Variants in NPRL3 observed in about 807,000 individuals in gnomAD.
NPRL3 encodes the protein GATOR1 complex protein NPRL3.
In NPRL3, 23 loss-of-function variants were observed where a neutral mutation model predicts 57.2. The observed-to-expected ratio is 0.40, with a 90% CI of 0.29 to 0.57. The LOEUF (loss-of-function observed/expected upper bound fraction) is 0.57, where lower values mean the gene tolerates loss of function less well. NPRL3 is among the 20% of genes least tolerant of loss of function. NPRL3 has a pLI of 0.42. For missense variants in NPRL3, 691 were observed against 767.1 expected (o/e 0.90, Z 1.17); for synonymous variants, 333 against 321.1 (o/e 1.04, Z -0.39).
chr16:92,970 T>G, intron 10 of NPRL3: 1 of 618,966 alleles, frequency 1.6e-6, no homozygotes, highest in East Asian at 2.8e-5. Flanking sequence ...CAAGGTGGAT[T>G]AGAAGAGCCA....
chr16:117,283 A>G lies in NPRL3; in HGVS notation c.393+18T>C. On this transcript the variant is annotated intron_variant, in intron 5 of 13. Coordinates refer to ENST00000611875, the MANE Select transcript of NPRL3 (RefSeq NM_001077350.3). ...CTGGCCCCACTCCCTGATCTTAACC[A>G]TTTATATAAACACTCACCCTCAGTG... 6.4e-7 allele frequency: 1 copy of G among 1,572,444 alleles called. No homozygotes were observed. Among genetic ancestry groups the G allele is most frequent in the Non-Finnish European group, 8.7e-7 (1 of 1,144,760 alleles).
At chr16:131,341 T>C (rs1900781867) in intron 2 of NPRL3, among the ~76,000 whole-genome samples, 1 of 148,984 alleles carries the variant, frequency 6.7e-6, no homozygotes, top group African/African-American at 2.6e-5. Context: ...TAGCCGGGCG[T>C]GGTGGTGGGT....
chr16:135,979 C>T (rs1420461871), intron 2 of NPRL3, among the ~76,000 whole-genome samples: 1 of 152,128 alleles, frequency 6.6e-6, no homozygotes, highest in African/African-American at 2.4e-5. Flanking sequence ...CTTTCTATCT[C>T]AATTAAAAGG....
intron 2 of NPRL3, among the ~76,000 whole-genome samples, chr16:134,611 C>A (rs1900966470): frequency 6.6e-6 from 1 of 151,484 alleles, no homozygotes; most frequent in African/African-American, 2.4e-5. Flanking sequence ...TAAAGCACAG[C>A]CAGGATAACG....
chr16:94,488 C>T (rs1269434667), intron 9 of NPRL3, among the ~76,000 whole-genome samples: 1 of 152,214 alleles, frequency 6.6e-6, no homozygotes, highest in Non-Finnish European at 1.5e-5. Context: ...GTGGCTCATG[C>T]CTGTAGTCCC....
intron 7 of NPRL3, among the ~76,000 whole-genome samples, chr16:100,781 A>AT (rs1899256362): frequency 5.7e-4 from 1 of 1,752 alleles, no homozygotes; most frequent in Non-Finnish European, 1.1e-3. Flanking sequence ...CAGCCTGGCT[A>AT]ATAACACGGT....
chr16:117,275 T>C, intron 5 of NPRL3, 26 bp downstream of exon 5: 1 of 1,535,684 alleles, frequency 6.5e-7, no homozygotes, highest in Non-Finnish European at 9.0e-7. Context: ...CACTCCCTGA[T>C]CTTAACCATT....
chr16:89,958 G>A, intron 11 of NPRL3, 56 bp from the exon 12 acceptor site: 1 of 1,482,556 alleles, frequency 6.7e-7, no homozygotes, highest in East Asian at 2.6e-5. Flanking sequence ...TTCCTCCTGG[G>A]TGATCAGGGA....
chr16:133,472 C>T (rs1166801588), intron 2 of NPRL3, among the ~76,000 whole-genome samples: 4 of 152,038 alleles, frequency 2.6e-5, no homozygotes, highest in East Asian at 3.9e-4. Flanking sequence ...CCTCGTGATC[C>T]GCCCGCCTCG....
At chr16:97,917 G>A (rs989832839) in intron 9 of NPRL3, among the ~76,000 whole-genome samples, 5 of 152,158 alleles carry the variant, frequency 3.3e-5, no homozygotes, top group African/African-American at 1.2e-4. Flanking sequence ...CTCTGAGACA[G>A]AAGAACAAGT....
intron 7 of NPRL3, among the ~76,000 whole-genome samples, chr16:101,362 C>T (rs1899293632): frequency 6.6e-6 from 1 of 152,190 alleles, no homozygotes; most frequent in Non-Finnish European, 1.5e-5. Context: ...GCCCACAGCA[C>T]CTCAGTTGCA....
At chr16:100,578 C>T in intron 7 of NPRL3, 69 bp from the exon 8 acceptor site, 6 of 1,349,546 alleles carry the variant, frequency 4.4e-6, no homozygotes, top group Non-Finnish European at 5.8e-6. Flanking sequence ...CAGAAAACAC[C>T]CTGCTCAATG....
At position 130,598 on chromosome 16, in the gene NPRL3, C is replaced by A. The variant is rs372930922; in HGVS notation, c.119-7G>T. The A allele has an allele frequency of 2.6e-6, 4 of 1,553,004 alleles. No individual in the cohort carries two copies. The highest frequency in any genetic ancestry group is 1.2e-5 in the South Asian group (1 of 84,218). ...TATCTGCTACGCGGCTTACCTGAGT[C>A]GGGGCGAAAAGAGGGGAAGGGCTAA... On this transcript the variant is annotated splice_polypyrimidine_tract_variant and splice_region_variant and intron_variant, in intron 2 of 13. Coordinates refer to ENST00000611875, the MANE Select transcript of NPRL3 (RefSeq NM_001077350.3).
At chr16:126,780 A>G (rs143019421) in intron 3 of NPRL3, among the ~76,000 whole-genome samples, 7 of 152,376 alleles carry the variant, frequency 4.6e-5, no homozygotes, top group African/African-American at 1.4e-4. Context: ...TCTTAGAGAC[A>G]CTGGACAATA....
intron 11 of NPRL3, among the ~76,000 whole-genome samples, chr16:92,327 A>G (rs990038529): frequency 6.6e-6 from 1 of 152,150 alleles, no homozygotes. Context: ...CGGTTCTAAC[A>G]CTAAAAACTG....
intron 7 of NPRL3, among the ~76,000 whole-genome samples, chr16:108,204 C>T (rs779288899): frequency 6.6e-6 from 1 of 152,168 alleles, no homozygotes; most frequent in Non-Finnish European, 1.5e-5. Flanking sequence ...TGTTTAAGGA[C>T]TTATATCTCC....
intron 3 of NPRL3, among the ~76,000 whole-genome samples, chr16:124,348 C>T (rs1198074200): frequency 2.0e-5 from 3 of 146,934 alleles, no homozygotes; most frequent in Non-Finnish European, 3.0e-5. Context: ...CTTTTCTTTT[C>T]TTTTTTTTTT....
chr16:133,866 C>T (rs914355784), intron 2 of NPRL3, among the ~76,000 whole-genome samples: 1 of 152,116 alleles, frequency 6.6e-6, no homozygotes, highest in Non-Finnish European at 1.5e-5. Flanking sequence ...CTGTAGATAA[C>T]CAGCTTAATT....
rs1464725724 is a variant in NPRL3 at position 86,032 on chromosome 16, C to T, written c.*673G>A. On this transcript the variant is annotated 3_prime_UTR_variant, in exon 14 of 14. Coordinates refer to ENST00000611875, the MANE Select transcript of NPRL3 (RefSeq NM_001077350.3). ...TCCTGCACAGTGGGCCATGCCTCCA[C>T]CAGCAAGATGTGCACAGGTGACAGG... 7.9e-6 allele frequency: 3 copies of T among 380,970 alleles called. No individual in the cohort carries two copies. The highest frequency in any genetic ancestry group is 8.6e-5 in the Admixed American group (2 of 23,316). The allele number at this position is 380,970 out of a possible 1,614,324, so 23.6% of individuals were successfully genotyped here.
Sources: gnomAD v4.1 joint callset for allele counts (sites outside exome capture counted in the v4.1 genomes callset) on GRCh38, gnomAD v4.1.1 for gene constraint, MANE v1.5 for transcripts, NCBI Gene and HGNC (gene_info 2026-07-23, HGNC 2026-07-21) for gene names.